NF1: variants seen among roughly 807,000 people sequenced by gnomAD.
The protein encoded by NF1 is neurofibromin 1.
NF1 carries 122 observed loss-of-function variants against 325.7 expected under a neutral mutation model. The ratio of observed to expected loss-of-function variants is 0.37; its 90% CI spans 0.32 to 0.44. NF1 has a LOEUF of 0.44. NF1 is among the 20% of genes least tolerant of loss of function. NF1 has a pLI of 1.00. For synonymous variants in NF1, 1,091 were observed against 1,186.0 expected (o/e 0.92, Z 1.65); for missense variants, 2,140 against 3,415.4 (o/e 0.63, Z 9.31).
intron 12 of NF1, 109 bp from the exon 13 acceptor site, chr17:31,214,342 T>C (rs1172388123): frequency 1.2e-6 from 1 of 833,366 alleles, no homozygotes; most frequent in East Asian, 2.7e-5. Flanking sequence ...TTTGGTAGTA[T>C]AAAAAATAGC....
At chr17:31,163,128 T>C in intron 3 of NF1, 58 bp from the exon 4 acceptor site, 1 of 1,558,212 alleles carries the variant, frequency 6.4e-7, no homozygotes, top group Non-Finnish European at 8.8e-7. Context: ...ATTTTCATAA[T>C]AGAAAATGTT....
intron 36 of NF1, among the ~76,000 whole-genome samples, chr17:31,322,318 A>G (rs568418326): frequency 4.7e-4 from 72 of 151,976 alleles, no homozygotes; most frequent in African/African-American, 1.7e-3. Flanking sequence ...TGTCTCTACT[A>G]AAAATATAAA....
chr17:31,178,812 T>C (rs1398831850), intron 5 of NF1, among the ~76,000 whole-genome samples: 1 of 152,114 alleles, frequency 6.6e-6, no homozygotes, highest in East Asian at 1.9e-4. Context: ...CAACAAGAGC[T>C]AACTACCCTA....
At chr17:31,214,043 T>G (rs2952995) in intron 12 of NF1, among the ~76,000 whole-genome samples, 40 of 152,038 alleles carry the variant, frequency 2.6e-4, no homozygotes, top group African/African-American at 9.6e-4. Flanking sequence ...ATGAAATACT[T>G]GTATGTATGT....
In NF1 at chr17:31,181,457, G is replaced by C. The variant is rs532820496; in HGVS notation, c.622G>C (p.Ala208Pro). ...AFKFKALKKV[A>P]QLAVINSLEK... is the part of the protein sequence containing the mutation. ...TAAATTTAAAGCCCTAAAGAAGGTT[G>C]CGCAGTTAGCAGTTATAAATAGCCT... The change falls in exon 6 of 58, where the codon GCG becomes CCG. Residue 208 changes from alanine (A) to proline (P), a missense_variant. This residue lies in a region of NF1 where 246 missense variants were observed against 347.8 expected (regional missense o/e 0.71). Transcript: ENST00000358273. 1 of 1,613,540 alleles carries C rather than the reference G, an allele frequency of 6.2e-7. No homozygotes were observed. Among genetic ancestry groups the C allele is most frequent in the East Asian group, 2.2e-5 (1 of 44,760 alleles).
chr17:31,308,175 T>C (rs1348701877), intron 36 of NF1, among the ~76,000 whole-genome samples: 1 of 152,040 alleles, frequency 6.6e-6, no homozygotes, highest in Non-Finnish European at 1.5e-5. Flanking sequence ...AGTCGTTCTG[T>C]CACCCAGGCT....
intron 1 of NF1, among the ~76,000 whole-genome samples, chr17:31,141,619 A>G (rs1273973461): frequency 1.3e-5 from 2 of 152,144 alleles, no homozygotes; most frequent in Admixed American, 1.3e-4. Flanking sequence ...ATTGCTGCAA[A>G]ACACATTACT....
At chr17:31,263,154 A>G (rs1454185525) in intron 35 of NF1, among the ~76,000 whole-genome samples, 1 of 151,900 alleles carries the variant, frequency 6.6e-6, no homozygotes, top group Non-Finnish European at 1.5e-5. Flanking sequence ...TAGATAAGAT[A>G]GATAGATTGG....
chr17:31,198,352 G>T (rs2066469418), intron 8 of NF1, among the ~76,000 whole-genome samples: 1 of 152,158 alleles, frequency 6.6e-6, no homozygotes, highest in South Asian at 2.1e-4. Flanking sequence ...TTCTTTAAAT[G>T]TTGGGTGGAA....
intron 36 of NF1, among the ~76,000 whole-genome samples, chr17:31,316,890 C>T (rs1032239307): frequency 2.0e-5 from 3 of 151,974 alleles, no homozygotes; most frequent in South Asian, 2.1e-4. Flanking sequence ...AATAGCTAGA[C>T]GTTTGAATTT....
At chr17:31,357,603 T>G in intron 54 of NF1, 1 of 560,688 alleles carries the variant, frequency 1.8e-6, no homozygotes, top group East Asian at 3.0e-5. Context: ...AAGTGGTTTA[T>G]TTTGATGATC....
intron 51 of NF1, among the ~76,000 whole-genome samples, chr17:31,352,638 A>G (rs2070179781): frequency 6.6e-6 from 1 of 152,134 alleles, no homozygotes; most frequent in Non-Finnish European, 1.5e-5. Context: ...TGAATCTTAT[A>G]CTAAATATTG....
chr17:31,247,631 T>C (rs1289676168), intron 29 of NF1, among the ~76,000 whole-genome samples: 3 of 152,236 alleles, frequency 2.0e-5, no homozygotes, highest in African/African-American at 7.2e-5. Flanking sequence ...AGTAAAGTTA[T>C]ATCTGCATAT....
chr17:31,133,855 C>T (rs558859479), intron 1 of NF1, among the ~76,000 whole-genome samples: 99 of 152,242 alleles, frequency 6.5e-4, no homozygotes, highest in African/African-American at 2.3e-3. Flanking sequence ...TGGGGTTTCG[C>T]CATGTTGGCC....
intron 36 of NF1, chr17:31,296,612 ATTCT>A: frequency 2.5e-6 from 1 of 407,588 alleles, no homozygotes; most frequent in Non-Finnish European, 4.6e-6. Context: ...TTCTAACCAT[ATTCT>A]TTCTTATTTA....
intron 36 of NF1, among the ~76,000 whole-genome samples, chr17:31,322,128 C>CACACACACACACACA (rs1491259465): frequency 6.9e-6 from 1 of 144,524 alleles, no homozygotes; most frequent in African/African-American, 2.5e-5. Context: ...CACACACACA[C>CACACACACACACACA]AACTGTCAAA....
intron 13 of NF1, among the ~76,000 whole-genome samples, chr17:31,216,892 T>G (rs1326862762): frequency 6.6e-6 from 1 of 152,176 alleles, no homozygotes; most frequent in Non-Finnish European, 1.5e-5. Flanking sequence ...CTGCTTACTC[T>G]TAACATAGTA....
At chr17:31,097,753 G>GTAGCTTGATGTCGGTTCAT (rs1242770301) in intron 1 of NF1, among the ~76,000 whole-genome samples, 1 of 152,032 alleles carries the variant, frequency 6.6e-6, no homozygotes, top group Admixed American at 6.6e-5. Context: ...CTGGAGTGCA[G>GTAGCTTGATGTCGGTTCAT]TAGCTTGATG....
chr17:31,300,855 A>G (rs1385321180), intron 36 of NF1, among the ~76,000 whole-genome samples: 2 of 152,142 alleles, frequency 1.3e-5, no homozygotes, highest in Non-Finnish European at 2.9e-5. Context: ...ATAGGCAAGT[A>G]TCTCCATCTA....
Sources: allele counts gnomAD v4.1 joint callset (sites outside exome capture counted in the v4.1 genomes callset), GRCh38; gene constraint gnomAD v4.1.1; regional missense constraint gnomAD v4.1.1; transcripts MANE v1.5; gene names NCBI Gene and HGNC (gene_info 2026-07-23, HGNC 2026-07-21).